MKNK1: variants seen among roughly 807,000 people sequenced by gnomAD.
MKNK1 encodes MAPK interacting serine/threonine kinase 1.
A neutral mutation model predicts 49.3 loss-of-function variants in MKNK1; 30 were observed. The observed-to-expected ratio is 0.61, with a 90% CI of 0.46 to 0.83. The LOEUF (loss-of-function observed/expected upper bound fraction) is 0.83. Among genes scored for constraint, MKNK1 ranks in the 40% least tolerant of loss-of-function variants. The pLI, the probability that MKNK1 is intolerant of heterozygous loss-of-function variation, is 0.00. For synonymous variants in MKNK1, 176 were observed against 201.7 expected (o/e 0.87, Z 1.08); for missense variants, 423 against 524.7 (o/e 0.81, Z 1.89).
Position 46,583,256 on chromosome 1 carries a change from G to A in MKNK1, c.72C>T (p.Ala24=), listed in dbSNP as rs56228418. Residue 24 remains alanine (A), a synonymous_variant, in exon 3 of 13, where the codon GCC becomes GCT. Transcript: ENST00000371945. The part of the protein sequence containing the change: ...RRRKKKRRGR[A]TDSLPGKFED... ...CAAACTTTCCTGGCAAGGAGTCAGT[G>A]GCCCGGCCCCTCCGCTTCTTCTTCC... 4.2e-3 allele frequency: 6,804 copies of A among 1,614,038 alleles called. 140 individuals are homozygous for A. In the Admixed American group the frequency reaches 0.045, roughly 11 times the overall value.
intron 1 of MKNK1, among the ~76,000 whole-genome samples, chr1:46,596,258 G>C (rs1317562333): frequency 6.6e-6 from 1 of 152,206 alleles, no homozygotes; most frequent in East Asian, 1.9e-4. Context: ...AATGATTGTA[G>C]CTATATGTCA....
intron 1 of MKNK1, among the ~76,000 whole-genome samples, chr1:46,601,150 C>T (rs938813126): frequency 1.3e-5 from 2 of 152,206 alleles, no homozygotes; most frequent in African/African-American, 4.8e-5. Context: ...CTTCTGACCT[C>T]AGGTGATCCA....
chr1:46,573,733 C>CT lies in MKNK1; in HGVS notation c.352+1213dup, dbSNP rs541818729. On this transcript the variant is annotated intron_variant, in intron 6 of 12. Coordinates refer to ENST00000371945, the MANE Select transcript of MKNK1 (RefSeq NM_001135553.4). ...AAAGCAGAGAATAATGCTTTACATACTTTTTTTTTTTTTTTTTTGAGACAG... is the reference window on the plus strand; with the variant it reads ...AAAGCAGAGAATAATGCTTTACATACTTTTTTTTTTTTTTTTTTTGAGACAG... 993 of 140,328 alleles carry CT rather than the reference C, an allele frequency of 7.1e-3. 9 individuals carry two copies. The highest frequency in any genetic ancestry group is 0.02 in the East Asian group (97 of 4,834). The allele number at this position is 140,328 out of a possible 1,614,324, so 8.7% of individuals were successfully genotyped here.
At chr1:46,561,137 G>A (rs930213093) in intron 11 of MKNK1, among the ~76,000 whole-genome samples, 1 of 152,176 alleles carries the variant, frequency 6.6e-6, no homozygotes, top group South Asian at 2.1e-4. Flanking sequence ...CTCACTTCTG[G>A]GTGTCCTCAG....
At chr1:46,598,546 T>A (rs893694370) in intron 1 of MKNK1, among the ~76,000 whole-genome samples, 4 of 152,224 alleles carry the variant, frequency 2.6e-5, no homozygotes, top group Non-Finnish European at 5.9e-5. Flanking sequence ...ATTCATATAT[T>A]TATTAATATT....
chr1:46,570,125 C>G (rs1424807444), intron 7 of MKNK1: 1 of 152,242 alleles, frequency 6.6e-6, no homozygotes, highest in African/African-American at 2.4e-5. Context: ...CCTCCAACTT[C>G]TAGTCACATG....
rs201215203 is a variant in MKNK1, at chr1:46,583,260, C to T, written c.68G>A (p.Arg23Gln). The part of the protein sequence containing the change: ...DRRRKKKRRG[R>Q]ATDSLPGKFE... ...CTTTCCTGGCAAGGAGTCAGTGGCCCGGCCCCTCCGCTTCTTCTTCCTCCT... is the reference window on the plus strand; with the variant it reads ...CTTTCCTGGCAAGGAGTCAGTGGCCTGGCCCCTCCGCTTCTTCTTCCTCCT... Residue 23 changes from arginine (R) to glutamine (Q), a missense_variant, in exon 3 of 13, where the codon CGG becomes CAG. By Grantham distance (43) the Arg-to-Gln change is conservative. Transcript: ENST00000371945. 24 of 1,613,984 alleles carry T rather than the reference C, an allele frequency of 1.5e-5. 1 individual carries two copies. In the East Asian group the frequency reaches 3.1e-4, roughly 21 times the overall value.
chr1:46,562,651 G>A lies in MKNK1; in HGVS notation c.802C>T (p.Gln268Ter). The change falls in exon 10 of 13, where the codon CAG (glutamine) becomes TAG (stop). Residue 268 changes from glutamine to a stop codon, truncating the protein, a stop_gained and splice_region_variant. Transcript: ENST00000371945. LOFTEE classifies it high-confidence loss of function. ...WDRGEVCRVCQNKLFESIQEG... is the reference protein window; with the variant it reads ...WDRGEVCRVC ...GTGCTCCCTGGGGCCGCACTCACCTGGCACACCCTGCAGACCTCGCCCCGG... is the reference window on the plus strand; with the variant it reads ...GTGCTCCCTGGGGCCGCACTCACCTAGCACACCCTGCAGACCTCGCCCCGG... 6.4e-7 allele frequency: 1 copy of A among 1,551,974 alleles called. No homozygotes were observed. Among genetic ancestry groups the A allele is most frequent in the Non-Finnish European group, 8.7e-7 (1 of 1,147,624 alleles).
In MKNK1 at chr1:46,558,645, C is replaced by G; in HGVS notation, c.1169G>C (p.Arg390Pro). 1.2e-6 allele frequency: 2 copies of G among 1,614,082 alleles called. No homozygotes were observed. The highest frequency in any genetic ancestry group is 1.7e-6 in the Non-Finnish European group (2 of 1,179,990). ...SMKLSPPCKS[R>P]LARRRALAQA... ...GGCCAGGGCCCGTCTCCGGGCCAGG[C>G]GTGACTTGCAGGGAGGGGAAAGCTT... is the stretch of plus-strand genomic sequence containing the variant. The change falls in exon 13 of 13, where the codon CGC (arginine) becomes CCC (proline). Residue 390 changes from arginine to proline, a missense_variant. Transcript: ENST00000371945.
At chr1:46,599,609 C>A (rs1449202972) in intron 1 of MKNK1, among the ~76,000 whole-genome samples, 1 of 152,190 alleles carries the variant, frequency 6.6e-6, no homozygotes, top group Non-Finnish European at 1.5e-5. Flanking sequence ...ATCTTTGCTC[C>A]AGTCTAACCT....
chr1:46,575,739 C>G (rs1207139257), intron 5 of MKNK1: 1 of 152,070 alleles, frequency 6.6e-6, no homozygotes, highest in African/African-American at 2.4e-5. Context: ...GTCTCTAATG[C>G]TGAACTAAGA....
intron 11 of MKNK1, among the ~76,000 whole-genome samples, chr1:46,560,687 C>T (rs1286852708): frequency 6.6e-6 from 1 of 152,234 alleles, no homozygotes; most frequent in East Asian, 1.9e-4. Flanking sequence ...GTAACTTATC[C>T]CCTTGTCTAC....
intron 2 of MKNK1, chr1:46,585,872 A>T: frequency 7.6e-7 from 1 of 1,319,166 alleles, no homozygotes; most frequent in Non-Finnish European, 1.0e-6. Context: ...AAGACAGAGT[A>T]CCTGGTATAT....
chr1:46,585,016 C>T (rs11211316), intron 2 of MKNK1, among the ~76,000 whole-genome samples: 6,279 of 151,880 alleles, frequency 0.041, 167 homozygotes, highest in African/African-American at 0.079. Context: ...TTTGGGATGC[C>T]GAGGTAGGCA....
chr1:46,588,010 T>C (rs1672821899), intron 2 of MKNK1, among the ~76,000 whole-genome samples: 1 of 152,242 alleles, frequency 6.6e-6, no homozygotes, highest in Admixed American at 6.5e-5. Context: ...ACATATTATC[T>C]CTAATTCTTA....
intron 1 of MKNK1, among the ~76,000 whole-genome samples, chr1:46,600,437 C>A (rs1362077606): frequency 2.0e-5 from 3 of 152,198 alleles, no homozygotes; most frequent in Admixed American, 2.0e-4. Context: ...TCTAAAACTG[C>A]ATTTACTGCC....
chr1:46,597,746 G>C (rs1281883129), intron 1 of MKNK1, among the ~76,000 whole-genome samples: 3 of 152,240 alleles, frequency 2.0e-5, no homozygotes, highest in Non-Finnish European at 2.9e-5. Context: ...ACACCTAGCA[G>C]AGGCTCTGGT....
chr1:46,570,807 A>G (rs778105606), intron 7 of MKNK1, among the ~76,000 whole-genome samples: 1 of 152,264 alleles, frequency 6.6e-6, no homozygotes, highest in Non-Finnish European at 1.5e-5. Flanking sequence ...GAACTATGAC[A>G]TACCAGGAAC....
In MKNK1 at chr1:46,583,270, G is replaced by A. The variant is rs1553204022; in HGVS notation, c.58C>T (p.Arg20Trp). 12 of 1,613,766 alleles carry A rather than the reference G, an allele frequency of 7.4e-6. No homozygotes were observed. The highest frequency in any genetic ancestry group is 2.7e-5 in the African/African-American group (2 of 74,834). The part of the protein sequence containing the change: ...ADGDRRRKKK[R>W]RGRATDSLPG... Reference sequence around the variant, plus strand: ...AAGGAGTCAGTGGCCCGGCCCCTCCGCTTCTTCTTCCTCCTCCTGTCACCA... The same window carrying A: ...AAGGAGTCAGTGGCCCGGCCCCTCCACTTCTTCTTCCTCCTCCTGTCACCA... Residue 20 changes from arginine (R) to tryptophan (W), a missense_variant, in exon 3 of 13, where the codon CGG (arginine) becomes TGG (tryptophan). Transcript: ENST00000371945.
Sources: gnomAD v4.1 joint callset for allele counts (sites outside exome capture counted in the v4.1 genomes callset) on GRCh38, gnomAD v4.1.1 for gene constraint, MANE v1.5 for transcripts, NCBI Gene and HGNC (gene_info 2026-07-23, HGNC 2026-07-21) for gene names.